Variants in SEMA4D observed in about 807,000 individuals in gnomAD.
The protein encoded by SEMA4D is semaphorin 4D.
A neutral mutation model predicts 74.8 loss-of-function variants in SEMA4D; 22 were observed. The ratio of observed to expected loss-of-function variants is 0.29; its 90% CI spans 0.21 to 0.42. The LOEUF is 0.42. Among genes scored for constraint, SEMA4D ranks in the 10% least tolerant of loss-of-function variants. The pLI, the probability that SEMA4D is intolerant of heterozygous loss-of-function variation, is 1.00. For synonymous variants in SEMA4D, 445 were observed against 463.7 expected (o/e 0.96, Z 0.52); for missense variants, 937 against 1,118.4 (o/e 0.84, Z 2.31).
At chr9:89,425,879 C>T (rs1233150288) in intron 2 of SEMA4D, among the ~76,000 whole-genome samples, 2 of 152,244 alleles carry the variant, frequency 1.3e-5, no homozygotes, top group Admixed American at 6.5e-5. Context: ...GCTCCACCTG[C>T]CCTGAGCCAA....
At chr9:89,372,343 G>T (rs1332864762), downstream of SEMA4D, among the ~76,000 whole-genome samples, 3 of 116,190 alleles carry the variant, frequency 2.6e-5, no homozygotes, top group Admixed American at 8.4e-5. Flanking sequence ...TGTGTGGGGG[G>T]GTGTGGTGTG....
chr9:89,369,631 G>A (rs780325455), intron 16 of SEMA4D: 4 of 152,242 alleles, frequency 2.6e-5, no homozygotes, highest in Admixed American at 6.5e-5. Flanking sequence ...TATGCCAGAT[G>A]CGCTATGTGC....
intron 18 of SEMA4D, chr9:89,362,551 G>C: frequency 6.4e-7 from 1 of 1,556,754 alleles, no homozygotes; most frequent in Non-Finnish European, 8.8e-7. Flanking sequence ...CCCTGTTGTG[G>C]TTCCCCTCCT....
At chr9:89,421,527 C>A (rs951499920) in intron 2 of SEMA4D, among the ~76,000 whole-genome samples, 1 of 152,192 alleles carries the variant, frequency 6.6e-6, no homozygotes, top group Non-Finnish European at 1.5e-5. Context: ...TGCAATATGA[C>A]TGGAACGAGG....
chr9:89,465,403 G>A (rs1475147008), intron 1 of SEMA4D, among the ~76,000 whole-genome samples: 1 of 152,166 alleles, frequency 6.6e-6, no homozygotes, highest in Non-Finnish European at 1.5e-5. Context: ...GAACCAAGGA[G>A]GTGTCACAAT....
chr9:89,477,640 T>C (rs1862103855), intron 1 of SEMA4D, among the ~76,000 whole-genome samples: 1 of 152,210 alleles, frequency 6.6e-6, no homozygotes, highest in Non-Finnish European at 1.5e-5. Flanking sequence ...TCTATGGATG[T>C]GTGTGTACTT....
At chr9:89,366,296 T>G (rs1344389633) in intron 16 of SEMA4D, among the ~76,000 whole-genome samples, 1 of 152,234 alleles carries the variant, frequency 6.6e-6, no homozygotes, top group African/African-American at 2.4e-5. Flanking sequence ...TGGGATTGTT[T>G]AAATTTTTTC....
intron 2 of SEMA4D, among the ~76,000 whole-genome samples, chr9:89,444,398 G>A (rs960800644): frequency 2.6e-5 from 4 of 152,180 alleles, no homozygotes; most frequent in South Asian, 4.1e-4. Context: ...CACATGAGGG[G>A]ACTCCTCCCA....
chr9:89,493,685 ACAATTCTAAG>A (rs1825798372), intron 1 of SEMA4D, among the ~76,000 whole-genome samples: 1 of 152,210 alleles, frequency 6.6e-6, no homozygotes, highest in South Asian at 2.1e-4. Context: ...AAAAACTGTT[ACAATTCTAAG>A]CAATTTCTAC....
intron 1 of SEMA4D, among the ~76,000 whole-genome samples, chr9:89,483,704 G>C (rs1164129305): frequency 2.0e-5 from 2 of 101,420 alleles, no homozygotes; most frequent in Non-Finnish European, 4.5e-5. Flanking sequence ...GCTGTTATGA[G>C]CAAAACTTAC....
At chr9:89,385,257 C>T in intron 13 of SEMA4D, 2 of 985,238 alleles carry the variant, frequency 2.0e-6, no homozygotes, top group Non-Finnish European at 2.4e-6. Context: ...ACCCTTGGAA[C>T]AGAGTGTCAT....
chr9:89,466,992 A>G (rs1858898882), intron 1 of SEMA4D, among the ~76,000 whole-genome samples: 1 of 152,210 alleles, frequency 6.6e-6, no homozygotes, highest in South Asian at 2.1e-4. Flanking sequence ...AGAAACGAAA[A>G]TGTCACCAAC....
At chr9:89,396,556 T>C (rs1158991349) in intron 6 of SEMA4D, among the ~76,000 whole-genome samples, 181 bp downstream of exon 6, 1 of 152,256 alleles carries the variant, frequency 6.6e-6, no homozygotes, top group Admixed American at 6.5e-5. Flanking sequence ...TGTGTGCCCC[T>C]GACAGCAGCT....
chr9:89,489,040 C>T (rs750197648), intron 1 of SEMA4D, among the ~76,000 whole-genome samples: 4 of 152,194 alleles, frequency 2.6e-5, no homozygotes, highest in Admixed American at 1.3e-4. Context: ...CATGAAAAGA[C>T]GCTCAACTAA....
intron 11 of SEMA4D, 35 bp from the exon 12 acceptor site, chr9:89,387,643 G>C (rs778761837): frequency 1.3e-6 from 2 of 1,594,220 alleles, no homozygotes; most frequent in South Asian, 2.2e-5. Context: ...TAACGTGCTC[G>C]TGTCCCACCA....
Position 89,388,806 on chromosome 9 carries a change from A to C in SEMA4D, c.951-14T>G. 6.2e-7 allele frequency: 1 copy of C among 1,605,258 alleles called. No homozygotes were observed. Among genetic ancestry groups the C allele is most frequent in the Non-Finnish European group, 8.5e-7 (1 of 1,173,118 alleles). ...CCCACGTTGTTCCTGGGGAGGGGAA[A>C]GAGGTGACGGGACCACCTGGCGGCA... On this transcript the variant is annotated splice_polypyrimidine_tract_variant and intron_variant, in intron 10 of 15. Transcript: ENST00000422704.
intron 2 of SEMA4D, among the ~76,000 whole-genome samples, chr9:89,446,948 AGAG>A (rs1475496857): frequency 6.6e-6 from 1 of 152,122 alleles, no homozygotes; most frequent in African/African-American, 2.4e-5. Flanking sequence ...GCAGGAGATA[AGAG>A]GAGACCCTCA....
chr9:89,440,210 C>T (rs1851390516), intron 2 of SEMA4D, among the ~76,000 whole-genome samples: 1 of 152,168 alleles, frequency 6.6e-6, no homozygotes, highest in African/African-American at 2.4e-5. Flanking sequence ...CTCCTCTGCC[C>T]CACAGACCCA....
At chr9:89,373,661 C>T (rs956841129), downstream of SEMA4D, among the ~76,000 whole-genome samples, 5 of 152,244 alleles carry the variant, frequency 3.3e-5, no homozygotes, top group Admixed American at 1.3e-4. Flanking sequence ...ACAGCTACCA[C>T]GAAAACAGCC....
Sources: gnomAD v4.1 joint callset for allele counts (sites outside exome capture counted in the v4.1 genomes callset) on GRCh38, gnomAD v4.1.1 for gene constraint, MANE v1.5 for transcripts, NCBI Gene and HGNC (gene_info 2026-07-23, HGNC 2026-07-21) for gene names.